Variants in ELP1 observed in about 807,000 individuals in gnomAD.
The protein encoded by ELP1 is elongator complex protein 1.
Under a neutral mutation model 183.2 loss-of-function variants are expected in ELP1, and 131 were observed. That is an observed-to-expected ratio of 0.72 (90% CI 0.62 to 0.83). The LOEUF is 0.83. Ranked by LOEUF, ELP1 falls within the 40% of genes least tolerant of loss-of-function variation. ELP1 has a pLI of 0.00. For missense variants in ELP1, 1,550 were observed against 1,594.9 expected (o/e 0.97, Z 0.48); for synonymous variants, 555 against 569.0 (o/e 0.98, Z 0.35).
In ELP1 at chr9:108,903,824, TACAC is replaced by T. The variant is rs3835305; in HGVS notation, c.1644-159_1644-156del. Among the ~76,000 whole-genome samples the T allele has an allele frequency of 0.15, 22,150 of 150,516 alleles. 1,773 individuals are homozygous for T. Among genetic ancestry groups the T allele is most frequent in the East Asian group, 0.24 (1,210 of 5,086 alleles). On this transcript the variant is annotated intron_variant, in intron 14 of 36. Transcript: ENST00000374647. The stretch of plus-strand genomic sequence containing the variant: ...ATACATATATACACACCCAATACTA[TACAC>T]ACACACACACACACACACACACACT...
Position 108,880,119 on chromosome 9 carries a change from G to A in ELP1, c.3393C>T (p.Phe1131=). The A allele has an allele frequency of 6.2e-7, 1 of 1,614,148 alleles. No individual in the cohort carries two copies. Among genetic ancestry groups the A allele is most frequent in the Non-Finnish European group, 8.5e-7 (1 of 1,179,992 alleles). ...CCAATAAACGTTTCTTGTGGCGACT[G>A]AATGTGGCTGTCTGAGAGTCCAGAA... The part of the protein sequence containing the change: ...MAFLDSQTAT[F]SRHKKRLLVV... The change falls in exon 32 of 37, where the codon TTC becomes TTT. Residue 1131 remains phenylalanine (F), a synonymous_variant. Transcript: ENST00000374647.
chr9:108,889,385 C>T lies in ELP1; in HGVS notation c.3169G>A (p.Val1057Ile), dbSNP rs1370476500. The T allele has an allele frequency of 1.2e-6, 2 of 1,614,022 alleles. No homozygotes were observed. The highest frequency in any genetic ancestry group is 2.7e-5 in the African/African-American group (2 of 74,936). The change falls in exon 29 of 37, where the codon GTT becomes ATT. Residue 1057 changes from valine to isoleucine, a missense_variant. Transcript: ENST00000374647. ...GLGRTLAGKLVEQRKHIDAAM... is the reference protein window; with the variant it reads ...GLGRTLAGKLIEQRKHIDAAM... ...GCATCAATGTGCTTCCTCTGCTCAA[C>T]CAGCTTTCCTGTAGAGACAATAAGC... is the stretch of plus-strand genomic sequence containing the variant.
Position 108,919,305 on chromosome 9 carries a change from G to A in ELP1, c.597C>T (p.Thr199=). The A allele has an allele frequency of 1.1e-5, 17 of 1,613,868 alleles. No individual in the cohort carries two copies. The highest frequency in any genetic ancestry group is 1.4e-5 in the Non-Finnish European group (17 of 1,179,884). Residue 199 remains threonine, a synonymous_variant, in exon 7 of 37, where the codon ACC becomes ACT. Coordinates refer to ENST00000374647, the MANE Select transcript of ELP1 (RefSeq NM_003640.5). ...LPWDDHRPQV[T]WRGDGQFFAV... is the part of the protein sequence containing the mutation. ...CAAAAAACTGTCCATCCCCCCGCCA[G>A]GTAACTTGTGGTCTATGGTCATCCC... is the stretch of plus-strand genomic sequence containing the variant.
At chr9:108,887,545 A>G (rs1380996241) in intron 29 of ELP1, among the ~76,000 whole-genome samples, 1 of 152,206 alleles carries the variant, frequency 6.6e-6, no homozygotes, top group Non-Finnish European at 1.5e-5. Flanking sequence ...CACTTCAGCT[A>G]TATTTCTATA....
intron 8 of ELP1, among the ~76,000 whole-genome samples, chr9:108,918,578 G>A (rs1829533975): frequency 6.6e-6 from 1 of 151,878 alleles, no homozygotes; most frequent in Non-Finnish European, 1.5e-5. Flanking sequence ...ATGCGGCCTT[G>A]GAACAATGAA....
In ELP1 at chr9:108,896,623, T is replaced by C. The variant is rs758283605; in HGVS notation, c.2609A>G (p.Asp870Gly). The C allele has an allele frequency of 8.1e-6, 13 of 1,614,020 alleles. No homozygotes were observed. Among genetic ancestry groups the C allele is most frequent in the Non-Finnish European group, 7.6e-6 (9 of 1,179,924 alleles). Residue 870 changes from aspartate (D) to glycine (G), a missense_variant, in exon 25 of 37, where the codon GAT becomes GGT. Coordinates refer to ENST00000374647, the MANE Select transcript of ELP1 (RefSeq NM_003640.5). Reference protein sequence around the residue: ...ELQGNAPSDPDAVSAEEALKY... With the variant: ...ELQGNAPSDPGAVSAEEALKY... ...CAAGGCCTCTTCAGCACTCACAGCA[T>C]CAGGATCAGAGGGAGCATTTCCTAA...
Position 108,896,523 on chromosome 9 carries a change from G to A in ELP1, c.2709C>T (p.Val903=). Residue 903 remains valine (V), a synonymous_variant, in exon 25 of 37, where the codon GTC becomes GTT. Coordinates refer to ENST00000374647, the MANE Select transcript of ELP1 (RefSeq NM_003640.5). ...TCTGTGACTTCTCAGCTACCATGAG[G>A]ACCAAATCAAAGTCATAGGTGCCAA... ...HSLGTYDFDL[V]LMVAEKSQKD... The A allele has an allele frequency of 6.2e-7, 1 of 1,614,088 alleles. No individual in the cohort carries two copies. The highest frequency in any genetic ancestry group is 1.1e-5 in the South Asian group (1 of 91,076).
At chr9:108,933,423 T>C (rs1830064658) in intron 1 of ELP1, among the ~76,000 whole-genome samples, 1 of 152,114 alleles carries the variant, frequency 6.6e-6, no homozygotes, top group Non-Finnish European at 1.5e-5. Flanking sequence ...TCCACGGAGA[T>C]CATCGTTAAC....
chr9:108,924,651 C>T (rs1341328495), intron 5 of ELP1, among the ~76,000 whole-genome samples: 2 of 152,144 alleles, frequency 1.3e-5, no homozygotes, highest in African/African-American at 4.8e-5. Flanking sequence ...CCATCTGTTC[C>T]CAAAACTGTC....
At chr9:108,922,360 C>T (rs1442125644) in intron 6 of ELP1, among the ~76,000 whole-genome samples, 1 of 152,190 alleles carries the variant, frequency 6.6e-6, no homozygotes, top group Non-Finnish European at 1.5e-5. Context: ...AAAGTCCTGC[C>T]TTGAGTCATC....
At position 108,874,744 on chromosome 9, in the gene ELP1, T is replaced by A. The variant is rs143673059; in HGVS notation, c.3931+151A>T. The stretch of plus-strand genomic sequence containing the variant: ...AGCATGAAACTGATCATACTAAAGA[T>A]GCGGTCTTAGAATTGAGGAAGAATT... On this transcript the variant is annotated intron_variant, in intron 36 of 36. Transcript: ENST00000374647. 1.6e-3 allele frequency: 999 copies of A among 638,848 alleles called. 11 individuals carry two copies. The African/African-American group carries it at 0.016, about 11-fold the overall frequency. The allele number at this position is 638,848 out of a possible 1,614,324, so 39.6% of individuals were successfully genotyped here. A position where few individuals can be genotyped will look rare whatever the true frequency, so the allele number is the denominator to read the frequency against.
In ELP1 at chr9:108,917,620, T is replaced by C. The variant is rs1278541052; in HGVS notation, c.791A>G (p.Asp264Gly). The C allele has an allele frequency of 1.9e-6, 3 of 1,613,982 alleles. No individual in the cohort carries two copies. Among genetic ancestry groups the C allele is most frequent in the East Asian group, 2.2e-5 (1 of 44,876 alleles). Residue 264 changes from aspartate (D) to glycine (G), a missense_variant, in exon 9 of 37, where the codon GAT becomes GGT. Physicochemically the swap from Asp to Gly is moderately conservative, Grantham distance 94. Transcript: ENST00000374647. ...ASTQDKPNQQ[D>G]IVFFEKNGLL... ...TCCATTTTTCTCAAAAAACACAATA[T>C]CCTGCTGGTTGGGTTTATCTTGTGT...
At chr9:108,891,448 T>A in intron 27 of ELP1, 44 bp from the exon 28 acceptor site, 2 of 1,557,548 alleles carry the variant, frequency 1.3e-6, no homozygotes, top group Non-Finnish European at 1.8e-6. Flanking sequence ...AATATGACAA[T>A]CATTTCTCTA....
intron 25 of ELP1, 112 bp from the exon 26 acceptor site, chr9:108,894,178 AT>A: frequency 1.6e-6 from 1 of 618,068 alleles, no homozygotes. Context: ...TTAAATGTGT[AT>A]TATATATTAA....
chr9:108,896,962 C>A lies in ELP1; in HGVS notation c.2578G>T (p.Glu860Ter). 6.2e-7 allele frequency: 1 copy of A among 1,613,488 alleles called. No homozygotes were observed. The highest frequency in any genetic ancestry group is 8.5e-7 in the Non-Finnish European group (1 of 1,179,534). Residue 860 changes from glutamate (E) to a stop codon, truncating the protein, a stop_gained, in exon 24 of 37, where the codon GAG (glutamate) becomes TAG (stop). Transcript: ENST00000374647. LOFTEE classifies it high-confidence loss of function. Reference sequence around the variant, plus strand: ...GTGAGCGGATCTCTACCTTGAAGCTCGTGTACTTTTTGCAGTACAATTTCC... The same window carrying A: ...GTGAGCGGATCTCTACCTTGAAGCTAGTGTACTTTTTGCAGTACAATTTCC... The part of the protein sequence containing the change: ...ELEIVLQKVH[E>*]LQGNAPSDPD...
chr9:108,896,997 G>A lies in ELP1; in HGVS notation c.2543C>T (p.Thr848Ile). The change falls in exon 24 of 37, where the codon ACC becomes ATC. Residue 848 changes from threonine (T) to isoleucine (I), a missense_variant. Transcript: ENST00000374647. ...SILTSHVKKT[T>I]PELEIVLQKV... ...TTGCAGTACAATTTCCAGTTCTGGG[G>A]TTGTCTTCTTTACATGAGATGTAAG... The A allele has an allele frequency of 6.2e-7, 1 of 1,614,096 alleles. No individual in the cohort carries two copies. The highest frequency in any genetic ancestry group is 2.2e-5 in the East Asian group (1 of 44,878).
intron 36 of ELP1, 44 bp downstream of exon 36, chr9:108,874,851 C>T: frequency 8.1e-7 from 1 of 1,240,676 alleles, no homozygotes; most frequent in South Asian, 1.2e-5. Flanking sequence ...GAAAGATAGT[C>T]CTTCTGCTTA....
chr9:108,906,083 A>G (rs1191895824), intron 14 of ELP1, among the ~76,000 whole-genome samples: 2 of 152,180 alleles, frequency 1.3e-5, no homozygotes, highest in East Asian at 3.8e-4. Context: ...TGCTTCATCT[A>G]CTAATATTTA....
chr9:108,867,652 C>G lies in ELP1; in HGVS notation c.*1463G>C, dbSNP rs1385940578. On this transcript the variant is annotated 3_prime_UTR_variant, in exon 37 of 37. Transcript: ENST00000374647. ...CATGCCAAAGAGTGATTACAAAGTA[C>G]TTGCAGCCTTTCAATATTGGGCACT... 1 of 152,194 alleles carries G rather than the reference C, an allele frequency of 6.6e-6. No homozygotes were observed. Among genetic ancestry groups the G allele is most frequent in the Non-Finnish European group, 1.5e-5 (1 of 68,024 alleles). 9.4% of individuals were successfully genotyped at this position (152,194 alleles called of 1,614,324 possible). A position where few individuals can be genotyped will look rare whatever the true frequency, so the allele number is the denominator to read the frequency against.
Sources: allele counts gnomAD v4.1 joint callset (sites outside exome capture counted in the v4.1 genomes callset), GRCh38; gene constraint gnomAD v4.1.1; transcripts MANE v1.5; gene names NCBI Gene and HGNC (gene_info 2026-07-23, HGNC 2026-07-21).